Variants in FBLN1 observed in about 807,000 individuals in gnomAD.
FBLN1 encodes fibulin-1.
In FBLN1, 34 loss-of-function variants were observed where a neutral mutation model predicts 89.7. That is an observed-to-expected ratio of 0.38 (90% CI 0.29 to 0.50). The LOEUF (loss-of-function observed/expected upper bound fraction) is 0.50, where lower values mean the gene tolerates loss of function less well. Among genes scored for constraint, FBLN1 ranks in the 20% least tolerant of loss-of-function variants. The pLI is 0.92. For synonymous variants in FBLN1, 393 were observed against 391.3 expected (o/e 1.00, Z -0.05); for missense variants, 777 against 988.1 (o/e 0.79, Z 2.86).
rs369773593 is a variant in FBLN1 at position 45,541,389 on chromosome 22, C to T, written c.1066+17C>T. On this transcript the variant is annotated intron_variant, in intron 9 of 16. Transcript: ENST00000327858. ...GCTGTGTTGGTTGGTATTAAGAAAACAAATCTGAAATCCACTTTCCTGTCT... is the reference window on the plus strand; with the variant it reads ...GCTGTGTTGGTTGGTATTAAGAAAATAAATCTGAAATCCACTTTCCTGTCT... The T allele has an allele frequency of 2.5e-6, 4 of 1,614,042 alleles. No homozygotes were observed. The African/African-American group carries it at 5.3e-5, about 22-fold the overall frequency.
intron 2 of FBLN1, among the ~76,000 whole-genome samples, chr22:45,521,623 G>A (rs932593193): frequency 5.3e-5 from 8 of 152,228 alleles, no homozygotes. Context: ...GGCCAAGCCT[G>A]GGCTCCAGGT....
At chr22:45,503,389 G>C (rs2087974673) in intron 1 of FBLN1, 2 of 184,708 alleles carry the variant, frequency 1.1e-5, no homozygotes, top group African/African-American at 4.7e-5. Flanking sequence ...TAGCTGGGCT[G>C]GGGGACGCTG....
chr22:45,556,146 C>T lies in FBLN1; in HGVS notation c.1697+5531C>T, dbSNP rs1394072054. 6.6e-6 allele frequency among the ~76,000 whole-genome samples: 1 copy of T among 152,284 alleles called. No individual in the cohort carries two copies. The highest frequency in any genetic ancestry group is 2.1e-4 in the South Asian group (1 of 4,820). On this transcript the variant is annotated intron_variant, in intron 14 of 16. Coordinates refer to ENST00000327858, the MANE Select transcript of FBLN1 (RefSeq NM_006486.3). The surrounding 1 kb of genome is among the most constrained non-coding windows in gnomAD (Gnocchi z 4.6). Reference sequence around the variant, plus strand: ...GAGTAGCTGAGATTACAGGTGTGCACCACCATACCCAGCTAATTTTTCTAT... The same window carrying T: ...GAGTAGCTGAGATTACAGGTGTGCATCACCATACCCAGCTAATTTTTCTAT...
Position 45,597,114 on chromosome 22 carries a change from C to T in FBLN1, c.1973-3193C>T, listed in dbSNP as rs2089194244. On this transcript the variant is annotated intron_variant, in intron 16 of 16. Transcript: ENST00000327858. The surrounding 1 kb of genome is among the most constrained non-coding windows in gnomAD (Gnocchi z 4.2). ...CCTTCCCGGGCTCAAACAATTCTGC[C>T]ACCTCAGCCTCCTGAGTAGCTGGGA... Among the ~76,000 whole-genome samples the T allele has an allele frequency of 7.0e-6, 1 of 143,790 alleles. No homozygotes were observed. Among genetic ancestry groups the T allele is most frequent in the Non-Finnish European group, 1.5e-5 (1 of 64,644 alleles). The allele number at this position is 143,790 out of a possible 152,430, so 94.3% of individuals were successfully genotyped here. A position where few individuals can be genotyped will look rare whatever the true frequency, so the allele number is the denominator to read the frequency against.
At chr22:45,555,306 T>TATATATATATATAAAATGGAATATATAC (rs2088774720) in intron 14 of FBLN1, among the ~76,000 whole-genome samples, 1 of 147,804 alleles carries the variant, frequency 6.8e-6, no homozygotes, top group African/African-American at 2.5e-5. Context: ...GGAATATATA[T>TATATATATATATAAAATGGAATATATAC]ATGGAATATA....
chr22:45,525,081 GAA>G (rs1001552675), intron 2 of FBLN1, among the ~76,000 whole-genome samples: 5 of 144,150 alleles, frequency 3.5e-5, no homozygotes, highest in Admixed American at 7.1e-5. Context: ...AAGAAAGAAA[GAA>G]AGAGAGAAAG....
Position 45,570,499 on chromosome 22 carries a change from A to T in FBLN1, c.1698-4012A>T, listed in dbSNP as rs554466726. ...CAGATGTAAATACTAAACTAGATGGAACACAAAAGTGAATAAACAGATAAA... is the reference window on the plus strand; with the variant it reads ...CAGATGTAAATACTAAACTAGATGGTACACAAAAGTGAATAAACAGATAAA... On this transcript the variant is annotated intron_variant, in intron 14 of 16. Coordinates refer to ENST00000327858, the MANE Select transcript of FBLN1 (RefSeq NM_006486.3). Among the ~76,000 whole-genome samples, 3 of 152,220 alleles carry T rather than the reference A, an allele frequency of 2.0e-5. No homozygotes were observed. In the East Asian group the frequency reaches 5.8e-4, roughly 29 times the overall value.
chr22:45,534,488 G>A (rs937581352), intron 7 of FBLN1, among the ~76,000 whole-genome samples: 1 of 152,192 alleles, frequency 6.6e-6, no homozygotes, highest in Non-Finnish European at 1.5e-5. Flanking sequence ...AGATGGGGAG[G>A]CTCTGATGAG....
intron 16 of FBLN1, among the ~76,000 whole-genome samples, chr22:45,593,188 A>T (rs2089154469): frequency 9.7e-6 from 1 of 102,788 alleles, no homozygotes; most frequent in Non-Finnish European, 1.8e-5. Context: ...GACTTTCATC[A>T]TTTGAAACAA....
chr22:45,518,127 CAA>C (rs136717), intron 1 of FBLN1, among the ~76,000 whole-genome samples: 2 of 122,672 alleles, frequency 1.6e-5, no homozygotes, highest in Non-Finnish European at 1.7e-5. Flanking sequence ...GACTCTGTCT[CAA>C]AAAAAAAAAA....
chr22:45,550,568 C>T lies in FBLN1; in HGVS notation c.1650C>T (p.Arg550=). The stretch of plus-strand genomic sequence containing the variant: ...GCTTCAACATCCAGGGCGGCTTCCG[C>T]TGCCTGGCCTTCGAGTGCCCTGAGA... ...ETCFNIQGGF[R]CLAFECPENY... is the part of the protein sequence containing the mutation. The change falls in exon 14 of 17, where the codon CGC becomes CGT. Residue 550 remains arginine (R), a synonymous_variant. Transcript: ENST00000327858. The surrounding 1 kb of genome is among the most constrained non-coding windows in gnomAD (Gnocchi z 8.4). 1 of 1,614,130 alleles carries T rather than the reference C, an allele frequency of 6.2e-7. No homozygotes were observed. Among genetic ancestry groups the T allele is most frequent in the Non-Finnish European group, 8.5e-7 (1 of 1,180,046 alleles).
intron 1 of FBLN1, among the ~76,000 whole-genome samples, chr22:45,515,057 G>A (rs1170091035): frequency 6.6e-6 from 1 of 152,196 alleles, no homozygotes; most frequent in Non-Finnish European, 1.5e-5. Context: ...ATTCCATTTG[G>A]AGCCCAGGCA....
intron 11 of FBLN1, among the ~76,000 whole-genome samples, chr22:45,546,278 T>A (rs574447908): frequency 2.6e-5 from 4 of 152,302 alleles, no homozygotes; most frequent in South Asian, 4.1e-4. Context: ...AGTGCAGTGG[T>A]GTGATCTTGG....
chr22:45,594,284 C>T (rs1169717979), intron 16 of FBLN1, among the ~76,000 whole-genome samples: 1 of 151,750 alleles, frequency 6.6e-6, no homozygotes, highest in Non-Finnish European at 1.5e-5. Context: ...GGGGAGGCAG[C>T]CAGGAAATGA....
rs187025814 is a variant in FBLN1 at position 45,588,031 on chromosome 22, G to A, written c.1972+10923G>A. Among the ~76,000 whole-genome samples, 1 of 152,332 alleles carries A rather than the reference G, an allele frequency of 6.6e-6. No individual in the cohort carries two copies. Among genetic ancestry groups the A allele is most frequent in the East Asian group, 1.9e-4 (1 of 5,188 alleles). On this transcript the variant is annotated intron_variant, in intron 16 of 16. Transcript: ENST00000327858. The surrounding 1 kb of genome is among the most constrained non-coding windows in gnomAD (Gnocchi z 5.1). ...AGCAGTGACTAAGGCAGACATGAAC[G>A]CCTCTCTCATACACTTTTTATCCCA...
In FBLN1 at chr22:45,557,831, G is replaced by T. The variant is rs2088807876; in HGVS notation, c.1697+7216G>T. Among the ~76,000 whole-genome samples, 1 of 152,138 alleles carries T rather than the reference G, an allele frequency of 6.6e-6. No homozygotes were observed. Reference sequence around the variant, plus strand: ...TCCCTGACCATCCAGCCAAACCATTGGCCACAGCCCATGAATCAGTATGTA... The same window carrying T: ...TCCCTGACCATCCAGCCAAACCATTTGCCACAGCCCATGAATCAGTATGTA... On this transcript the variant is annotated intron_variant, in intron 14 of 16. Coordinates refer to ENST00000327858, the MANE Select transcript of FBLN1 (RefSeq NM_006486.3). This position sits in a 1 kb window ranked among gnomAD's most constrained non-coding sequence, Gnocchi z 4.9.
At chr22:45,519,580 C>T (rs968354223) in intron 2 of FBLN1, among the ~76,000 whole-genome samples, 4 of 147,140 alleles carry the variant, frequency 2.7e-5, no homozygotes, top group South Asian at 2.2e-4. Flanking sequence ...GCTGAGATCG[C>T]GCCACTGCAT....
At position 45,578,753 on chromosome 22, in the gene FBLN1, C is replaced by T. The variant is rs537081170; in HGVS notation, c.1972+1645C>T. Among the ~76,000 whole-genome samples the T allele has an allele frequency of 1.1e-3, 162 of 152,346 alleles. No homozygotes were observed. Among genetic ancestry groups the T allele is most frequent in the African/African-American group, 3.8e-3 (158 of 41,578 alleles). ...GCCTGCAGTTGTGGCTGGGACATGGCCCTCAGGTGATTTCTAGATCTTGGA... is the reference window on the plus strand; with the variant it reads ...GCCTGCAGTTGTGGCTGGGACATGGTCCTCAGGTGATTTCTAGATCTTGGA... On this transcript the variant is annotated intron_variant, in intron 16 of 16. Transcript: ENST00000327858. The surrounding 1 kb of genome is among the most constrained non-coding windows in gnomAD (Gnocchi z 4.6).
intron 4 of FBLN1, among the ~76,000 whole-genome samples, chr22:45,529,352 C>G (rs1042115842): frequency 1.3e-5 from 2 of 152,334 alleles, no homozygotes; most frequent in South Asian, 2.1e-4. Context: ...TGTGTGCCCC[C>G]CCGTTCTGTG....
Sources: gnomAD v4.1 joint callset for allele counts (sites outside exome capture counted in the v4.1 genomes callset) on GRCh38, gnomAD v4.1.1 for gene constraint, Gnocchi (gnomAD v3.1) non-coding constraint, MANE v1.5 for transcripts, NCBI Gene and HGNC (gene_info 2026-07-23, HGNC 2026-07-21) for gene names.